The following RFX3 variants were observed in gnomAD, a reference collection of about 807,000 sequenced individuals.
RFX3 encodes the protein regulatory factor X3, also known as transcription factor RFX3.
A neutral mutation model predicts 98.6 loss-of-function variants in RFX3; 14 were observed. The ratio of observed to expected loss-of-function variants is 0.14; its 90% confidence interval spans 0.09 to 0.22. The LOEUF (loss-of-function observed/expected upper bound fraction) is 0.22. Ranked by LOEUF, RFX3 falls within the 10% of genes least tolerant of loss-of-function variation. RFX3 has a pLI of 1.00. For synonymous variants in RFX3, 383 were observed against 328.4 expected (o/e 1.17, Z -1.80); for missense variants, 639 against 926.9 (o/e 0.69, Z 4.03).
chr9:3,371,011 C>G (rs7023101), intron 2 of RFX3, among the ~76,000 whole-genome samples: 4,691 of 151,938 alleles, frequency 0.031, 268 homozygotes, highest in African/African-American at 0.11. Flanking sequence ...AAGATGAATC[C>G]TTTTTTAAAA....
At chr9:3,502,693 T>G (rs1217824827) in intron 1 of RFX3, among the ~76,000 whole-genome samples, 1 of 152,194 alleles carries the variant, frequency 6.6e-6, no homozygotes, top group Non-Finnish European at 1.5e-5. Context: ...CTTTCATTAT[T>G]TTCACGATTT....
At chr9:3,328,727 T>G (rs1396594372) in intron 4 of RFX3, among the ~76,000 whole-genome samples, 44 of 152,126 alleles carry the variant, frequency 2.9e-4, no homozygotes, top group Non-Finnish European at 1.9e-4. Context: ...CACATGAAAT[T>G]ACTACAAATA....
chr9:3,490,255 A>C, intron 1 of RFX3: 3 of 853,680 alleles, frequency 3.5e-6, no homozygotes, highest in Non-Finnish European at 4.2e-6. Flanking sequence ...TTCATTATTT[A>C]TAAAGAACAT....
At chr9:3,448,936 T>G (rs1025375423) in intron 1 of RFX3, among the ~76,000 whole-genome samples, 4 of 152,214 alleles carry the variant, frequency 2.6e-5, no homozygotes, top group Admixed American at 6.5e-5. Flanking sequence ...ATGGGTGACC[T>G]AGGCCCTAAG....
At chr9:3,511,168 G>C (rs1024549215) in intron 1 of RFX3, among the ~76,000 whole-genome samples, 7 of 151,908 alleles carry the variant, frequency 4.6e-5, no homozygotes, top group African/African-American at 1.7e-4. Flanking sequence ...TTAATGCACT[G>C]TATTTACCTC....
intron 1 of RFX3, among the ~76,000 whole-genome samples, chr9:3,400,963 A>G (rs1260246926): frequency 2.0e-5 from 3 of 152,230 alleles, no homozygotes; most frequent in Non-Finnish European, 4.4e-5. Flanking sequence ...CAACCAGTAC[A>G]TACACTGCTT....
chr9:3,484,643 C>A (rs1249752627), intron 1 of RFX3, among the ~76,000 whole-genome samples: 1 of 152,178 alleles, frequency 6.6e-6, no homozygotes, highest in Non-Finnish European at 1.5e-5. Context: ...TTTCTACTTA[C>A]AACTCTGTGT....
At chr9:3,460,582 A>C (rs1847595617) in intron 1 of RFX3, among the ~76,000 whole-genome samples, 1 of 151,858 alleles carries the variant, frequency 6.6e-6, no homozygotes, top group Non-Finnish European at 1.5e-5. Flanking sequence ...CTAAACTTGA[A>C]ACTGATAAAC....
At chr9:3,514,395 A>G (rs906866427) in intron 1 of RFX3, among the ~76,000 whole-genome samples, 4 of 152,340 alleles carry the variant, frequency 2.6e-5, no homozygotes, top group African/African-American at 9.6e-5. Flanking sequence ...TTTTCTTAAT[A>G]TATCTACTAC....
intron 15 of RFX3, chr9:3,247,667 T>TC (rs1247349428): frequency 6.2e-6 from 9 of 1,442,294 alleles, no homozygotes; most frequent in Non-Finnish European, 8.2e-6. Context: ...AAAATACATA[T>TC]TTAATCCTTT....
chr9:3,439,444 T>C (rs909216268), intron 1 of RFX3, among the ~76,000 whole-genome samples: 2 of 151,962 alleles, frequency 1.3e-5, no homozygotes, highest in Non-Finnish European at 2.9e-5. Flanking sequence ...AATTAAAAGA[T>C]ATAAATTAGC....
At chr9:3,517,372 C>T (rs916442033) in intron 1 of RFX3, among the ~76,000 whole-genome samples, 2 of 152,208 alleles carry the variant, frequency 1.3e-5, no homozygotes, top group Non-Finnish European at 2.9e-5. Flanking sequence ...TGGTCACTCG[C>T]TGTCCTTTCT....
At chr9:3,317,918 T>C (rs1359498489) in intron 4 of RFX3, among the ~76,000 whole-genome samples, 3 of 152,194 alleles carry the variant, frequency 2.0e-5, no homozygotes, top group Admixed American at 1.3e-4. Context: ...TTTTACACTG[T>C]TGGTGGGACT....
intron 3 of RFX3, among the ~76,000 whole-genome samples, chr9:3,345,074 T>C (rs923972365): frequency 6.6e-6 from 1 of 152,144 alleles, no homozygotes; most frequent in Non-Finnish European, 1.5e-5. Flanking sequence ...TAAACAAGCA[T>C]TCACAGTACA....
chr9:3,333,413 T>C (rs754800324), intron 3 of RFX3, among the ~76,000 whole-genome samples: 1 of 148,790 alleles, frequency 6.7e-6, no homozygotes, highest in African/African-American at 2.5e-5. Flanking sequence ...GGGGTGATGA[T>C]AGAAACAAAT....
In RFX3 at chr9:3,340,847, G is replaced by A. The variant is rs572150235; in HGVS notation, c.215+5820C>T. ...CAACCATTGTGGAAGTCAGTGTGGC[G>A]ATTCCTCAGGGATCTAGAACTAGAA... On this transcript the variant is annotated intron_variant, in intron 3 of 16. Transcript: ENST00000617270. 7.9e-5 allele frequency among the ~76,000 whole-genome samples: 12 copies of A among 152,286 alleles called. 1 individual carries two copies. The highest frequency in any genetic ancestry group is 3.9e-4 in the Admixed American group (6 of 15,298).
intron 3 of RFX3, among the ~76,000 whole-genome samples, chr9:3,344,150 C>T (rs887177511): frequency 2.0e-5 from 3 of 152,114 alleles, no homozygotes; most frequent in African/African-American, 7.2e-5. Context: ...TAAGTAGTAG[C>T]AAAAACTGTA....
intron 4 of RFX3, among the ~76,000 whole-genome samples, chr9:3,313,713 C>A (rs962814884): frequency 6.6e-6 from 1 of 152,158 alleles, no homozygotes; most frequent in Non-Finnish European, 1.5e-5. Flanking sequence ...GGCATGAGAA[C>A]TACGTGAAGG....
intron 2 of RFX3, among the ~76,000 whole-genome samples, chr9:3,362,442 A>G (rs1836569233): frequency 6.6e-6 from 1 of 152,186 alleles, no homozygotes; most frequent in Non-Finnish European, 1.5e-5. Context: ...TCTGTTTTTC[A>G]GAAAGTCTTA....
Sources: allele counts gnomAD v4.1 joint callset (sites outside exome capture counted in the v4.1 genomes callset), GRCh38; gene constraint gnomAD v4.1.1; transcripts MANE v1.5; gene names NCBI Gene and HGNC (gene_info 2026-07-23, HGNC 2026-07-21).